Variants in STRADA observed in about 807,000 individuals in gnomAD.
The protein encoded by STRADA is STE20 related adaptor alpha.
Under a neutral mutation model 55.0 loss-of-function variants are expected in STRADA, and 26 were observed. That is an observed-to-expected ratio of 0.47 (90% confidence interval 0.35 to 0.66). STRADA has a LOEUF of 0.66. Ranked by LOEUF, STRADA falls within the 30% of genes least tolerant of loss-of-function variation. STRADA has a pLI of 0.01. For synonymous variants in STRADA, 197 were observed against 210.9 expected, an observed-to-expected ratio of 0.93 and a Z score of 0.57; for missense variants, 443 against 549.7, an observed-to-expected ratio of 0.81 and a Z score of 1.94.
chr17:63,720,501 G>A (rs557515612), intron 4 of STRADA, among the ~76,000 whole-genome samples: 2 of 151,802 alleles, frequency 1.3e-5, no homozygotes, highest in East Asian at 2.0e-4. Flanking sequence ...GGGGCTGGGC[G>A]AGGTGGCTCA....
At chr17:63,740,180 ACAC>A (rs2038836184) in intron 1 of STRADA, among the ~76,000 whole-genome samples, 1 of 145,934 alleles carries the variant, frequency 6.9e-6, no homozygotes, top group Non-Finnish European at 1.5e-5. Flanking sequence ...ACACACACAC[ACAC>A]AACAAAGCAA....
At chr17:63,723,496 G>C (rs918163115) in intron 3 of STRADA, 170 bp from the exon 4 acceptor site, 7 of 664,456 alleles carry the variant, frequency 1.1e-5, no homozygotes, top group Admixed American at 5.0e-5. Context: ...CAGATCCACA[G>C]TAAAAATGCT....
At chr17:63,719,568 C>T (rs1035842616) in intron 4 of STRADA, among the ~76,000 whole-genome samples, 2 of 151,782 alleles carry the variant, frequency 1.3e-5, no homozygotes, top group Admixed American at 1.3e-4. Context: ...ACTGCAACCT[C>T]CACCTCCCAG....
chr17:63,711,039 C>T, intron 6 of STRADA: 1 of 565,772 alleles, frequency 1.8e-6, no homozygotes, highest in Non-Finnish European at 3.1e-6. Context: ...TGCTTTGCCT[C>T]TGCCAGATAG....
intron 8 of STRADA, among the ~76,000 whole-genome samples, chr17:63,708,256 G>A (rs1264224508): frequency 2.0e-5 from 3 of 151,882 alleles, no homozygotes; most frequent in African/African-American, 7.2e-5. Context: ...CTGGAGTGCA[G>A]TGGCGCAATC....
chr17:63,704,540 C>A lies in STRADA; in HGVS notation c.901G>T (p.Asp301Tyr), dbSNP rs576677912. 28 of 1,583,358 alleles carry A rather than the reference C, an allele frequency of 1.8e-5. No homozygotes were observed. In the South Asian group the frequency reaches 3.1e-4, roughly 18 times the overall value. Residue 301 changes from aspartate (D) to tyrosine (Y), a missense_variant, in exon 11 of 13, where the codon GAT becomes TAT. Transcript: ENST00000336174. Reference protein sequence around the residue: ...KLNGTVPCLLDTSTIPAEELT... With the variant: ...KLNGTVPCLLYTSTIPAEELT... ...TCCTCAGCGGGGATGGTGCTGGTAT[C>A]CAACAGGCAGGGCACTGTGCCGTTC...
At chr17:63,740,103 T>TAC (rs2038786756) in intron 1 of STRADA, among the ~76,000 whole-genome samples, 3 of 72,626 alleles carry the variant, frequency 4.1e-5, no homozygotes, top group African/African-American at 1.8e-4. Flanking sequence ...TATATATATA[T>TAC]ATATACATAC....
At chr17:63,740,155 C>CATATATATATATATAT (rs761800599) in intron 1 of STRADA, among the ~76,000 whole-genome samples, 1 of 111,454 alleles carries the variant, frequency 9.0e-6, no homozygotes, top group African/African-American at 3.9e-5. Context: ...TATACACACA[C>CATATATATATATATAT]ACACACACAC....
In STRADA at chr17:63,728,420, G is replaced by A; in HGVS notation, c.-44-7C>T. On this transcript the variant is annotated splice_polypyrimidine_tract_variant and splice_region_variant and intron_variant, in intron 1 of 12. Coordinates refer to ENST00000336174, the MANE Select transcript of STRADA (RefSeq NM_001003787.4). ...CAGTTTCAAAAACTTAAACCTAAAA[G>A]GAAAATAGAAACAGGTTGAGTTAGC... is the stretch of plus-strand genomic sequence containing the variant. 1.3e-6 allele frequency: 2 copies of A among 1,525,018 alleles called. No individual in the cohort carries two copies. The highest frequency in any genetic ancestry group is 1.2e-5 in the South Asian group (1 of 82,816). 94.5% of individuals were successfully genotyped at this position (1,525,018 alleles called of 1,614,324 possible).
Position 63,707,233 on chromosome 17 carries a change from G to T in STRADA, c.753+14C>A. The stretch of plus-strand genomic sequence containing the variant: ...GAGTTGGGTAGGGGAGCTCCTCTGG[G>T]CCCACACACAGACCTGCTGGAGGAC... On this transcript the variant is annotated intron_variant, in intron 9 of 12. Transcript: ENST00000336174. The T allele has an allele frequency of 1.2e-6, 2 of 1,613,756 alleles. No homozygotes were observed. Among genetic ancestry groups the T allele is most frequent in the Non-Finnish European group, 1.7e-6 (2 of 1,179,826 alleles).
intron 1 of STRADA, among the ~76,000 whole-genome samples, chr17:63,728,839 C>A (rs571670228): frequency 4.6e-4 from 69 of 149,488 alleles, no homozygotes; most frequent in African/African-American, 1.6e-3. Context: ...TTGCAGTGAG[C>A]CAAGATCACG....
At chr17:63,704,921 A>G in intron 10 of STRADA, 1 of 1,535,496 alleles carries the variant, frequency 6.5e-7, no homozygotes, top group Non-Finnish European at 8.7e-7. Flanking sequence ...AGAGGGAAGG[A>G]GCAGTCAGAT....
At chr17:63,720,163 T>G (rs1027143745) in intron 4 of STRADA, among the ~76,000 whole-genome samples, 1 of 147,222 alleles carries the variant, frequency 6.8e-6, no homozygotes, top group African/African-American at 2.6e-5. Context: ...TATGCCACCA[T>G]GCCAAGCTAA....
intron 1 of STRADA, among the ~76,000 whole-genome samples, chr17:63,730,302 T>C (rs1445593734): frequency 6.6e-6 from 1 of 152,144 alleles, no homozygotes; most frequent in Non-Finnish European, 1.5e-5. Context: ...AACCCATCAA[T>C]TAGAATTTTC....
chr17:63,704,781 C>CCAGG, intron 10 of STRADA, 199 bp from the exon 11 acceptor site: 1 of 1,534,268 alleles, frequency 6.5e-7, no homozygotes, highest in Non-Finnish European at 8.7e-7. Context: ...TCCGCCCTAG[C>CCAGG]CAGGCCAACG....
chr17:63,704,620 TGG>T (rs66871703), intron 10 of STRADA, 38 bp from the exon 11 acceptor site: 11,989 of 1,194,974 alleles, frequency 0.01, 3 homozygotes, highest in African/African-American at 0.025. Flanking sequence ...CTGTAGCGGG[TGG>T]GGGGGGGGGG....
chr17:63,716,091 C>T (rs1376589799), intron 4 of STRADA, among the ~76,000 whole-genome samples: 1 of 148,858 alleles, frequency 6.7e-6, no homozygotes, highest in Non-Finnish European at 1.5e-5. Flanking sequence ...CAGCAACGTA[C>T]GTGGTTTTTT....
At chr17:63,733,037 G>A (rs557805614) in intron 1 of STRADA, among the ~76,000 whole-genome samples, 2 of 152,206 alleles carry the variant, frequency 1.3e-5, no homozygotes, top group Non-Finnish European at 2.9e-5. Context: ...ACAGGCACCC[G>A]CCACCACACC....
chr17:63,716,130 T>C, intron 4 of STRADA, among the ~76,000 whole-genome samples: 1 of 146,074 alleles, frequency 6.8e-6, no homozygotes, highest in Non-Finnish European at 1.5e-5. Context: ...GGAGTCTCAC[T>C]CTGTCACCAG....
Sources: gnomAD v4.1 joint callset for allele counts (sites outside exome capture counted in the v4.1 genomes callset) on GRCh38, gnomAD v4.1.1 for gene constraint, MANE v1.5 for transcripts, NCBI Gene and HGNC (gene_info 2026-07-23, HGNC 2026-07-21) for gene names.